NFATC1: variants seen among roughly 807,000 people sequenced by gnomAD.
The protein encoded by NFATC1 is nuclear factor of activated T cells 1, also known as nuclear factor of activated T-cells, cytoplasmic 1.
A neutral mutation model predicts 76.0 loss-of-function variants in NFATC1; 22 were observed. The ratio of observed to expected loss-of-function variants is 0.29; its 90% CI spans 0.21 to 0.41. The LOEUF (loss-of-function observed/expected upper bound fraction) is 0.41, where lower values mean the gene tolerates loss of function less well. NFATC1 is among the 10% of genes least tolerant of loss of function. The pLI, the probability that NFATC1 is intolerant of heterozygous loss-of-function variation, is 1.00. For synonymous variants in NFATC1, 704 were observed against 613.1 expected (o/e 1.15, Z -2.19); for missense variants, 1,357 against 1,337.7 (o/e 1.01, Z -0.23).
intron 8 of NFATC1, among the ~76,000 whole-genome samples, chr18:79,485,839 G>A (rs889520158): frequency 2.6e-5 from 4 of 152,256 alleles, no homozygotes; most frequent in South Asian, 2.1e-4. Context: ...CCTGAAAGCC[G>A]TCTTGTTCTG....
chr18:79,511,836 A>G (rs1357894382), intron 9 of NFATC1, among the ~76,000 whole-genome samples: 1 of 151,880 alleles, frequency 6.6e-6, no homozygotes, highest in African/African-American at 2.4e-5. Flanking sequence ...ATGTGGATGG[A>G]CTTGCTGCGG....
chr18:79,470,829 G>C (rs981571569), intron 8 of NFATC1: 1 of 152,268 alleles, frequency 6.6e-6, no homozygotes, highest in African/African-American at 2.4e-5. Context: ...AGTGCAGGGG[G>C]CCCCCGGGCT....
At position 79,396,134 on chromosome 18, in the gene NFATC1, T is replaced by G; in HGVS notation, c.-91T>G. The G allele has an allele frequency of 7.9e-7, 1 of 1,268,286 alleles. No homozygotes were observed. Among genetic ancestry groups the G allele is most frequent in the Non-Finnish European group, 1.0e-6 (1 of 993,612 alleles). 78.6% of individuals were successfully genotyped at this position (1,268,286 alleles called of 1,614,324 possible). On this transcript the variant is annotated 5_prime_UTR_variant, in exon 1 of 10. Coordinates refer to ENST00000427363, the MANE Select transcript of NFATC1 (RefSeq NM_001278669.2). ...GCGGCGCTGAGCCCGGGGCGAGGGCTGTCTTCCCGGAGACCCGACCCCGGC... is the reference window on the plus strand; with the variant it reads ...GCGGCGCTGAGCCCGGGGCGAGGGCGGTCTTCCCGGAGACCCGACCCCGGC...
chr18:79,437,544 C>A (rs984485139), intron 3 of NFATC1, among the ~76,000 whole-genome samples: 1 of 152,256 alleles, frequency 6.6e-6, no homozygotes, highest in African/African-American at 2.4e-5. Flanking sequence ...CGTCCGCCTG[C>A]TGTCTGCTTC....
chr18:79,483,631 C>G (rs2089394377), intron 8 of NFATC1, among the ~76,000 whole-genome samples: 1 of 146,636 alleles, frequency 6.8e-6, no homozygotes, highest in Non-Finnish European at 1.5e-5. Flanking sequence ...GGGCGTCACT[C>G]TGGCGTGACC....
intron 3 of NFATC1, among the ~76,000 whole-genome samples, chr18:79,438,510 C>T (rs754237716): frequency 1.3e-5 from 2 of 152,206 alleles, no homozygotes; most frequent in Non-Finnish European, 2.9e-5. Flanking sequence ...ATAACCTGCC[C>T]GATAGCATCT....
At chr18:79,464,361 C>G (rs1450525555) in intron 7 of NFATC1, among the ~76,000 whole-genome samples, 1 of 152,012 alleles carries the variant, frequency 6.6e-6, no homozygotes, top group Admixed American at 6.5e-5. Flanking sequence ...TCCCAAAGTG[C>G]TGGGATTACA....
At chr18:79,513,348 C>T (rs750363264) in intron 9 of NFATC1, among the ~76,000 whole-genome samples, 5 of 152,178 alleles carry the variant, frequency 3.3e-5, no homozygotes, top group East Asian at 3.9e-4. Context: ...GGTCAGCACA[C>T]GGCTTTCTCA....
At chr18:79,464,602 G>GACACACACACACAC (rs57175022) in intron 7 of NFATC1, among the ~76,000 whole-genome samples, 1 of 142,916 alleles carries the variant, frequency 7.0e-6, no homozygotes, top group African/African-American at 2.6e-5. Flanking sequence ...TGTTCACGCA[G>GACACACACACACAC]ACACACACAC....
At chr18:79,431,264 T>C (rs1052150131) in intron 2 of NFATC1, among the ~76,000 whole-genome samples, 4 of 152,160 alleles carry the variant, frequency 2.6e-5, no homozygotes, top group Non-Finnish European at 4.4e-5. Flanking sequence ...ACATTTTAGG[T>C]GTTTGTATTT....
chr18:79,443,512 G>C lies in NFATC1; in HGVS notation c.1387-5270G>C, dbSNP rs752014140. On this transcript the variant is annotated intron_variant, in intron 3 of 9. Coordinates refer to ENST00000427363, the MANE Select transcript of NFATC1 (RefSeq NM_001278669.2). Reference sequence around the variant, plus strand: ...GAAGGGGCCTGGAGCCGTCCCTCGGGGGGTGGGGAGGAGCTAGTTTCCCAG... The same window carrying C: ...GAAGGGGCCTGGAGCCGTCCCTCGGCGGGTGGGGAGGAGCTAGTTTCCCAG... Among the ~76,000 whole-genome samples, 16 of 152,310 alleles carry C rather than the reference G, an allele frequency of 1.1e-4. 1 individual carries two copies. Among genetic ancestry groups the C allele is most frequent in the African/African-American group, 3.4e-4 (14 of 41,572 alleles).
intron 2 of NFATC1, among the ~76,000 whole-genome samples, chr18:79,431,293 A>T (rs576600438): frequency 3.2e-4 from 49 of 152,354 alleles, no homozygotes; most frequent in Non-Finnish European, 6.0e-4. Flanking sequence ...TACGTAGTTG[A>T]TTCCATTCAA....
At chr18:79,470,075 C>T (rs1600838375) in intron 8 of NFATC1, 1 of 942,798 alleles carries the variant, frequency 1.1e-6, no homozygotes, top group Non-Finnish European at 1.3e-6. Flanking sequence ...GCAACCCCGG[C>T]TGGGTCTGAG....
intron 1 of NFATC1, among the ~76,000 whole-genome samples, chr18:79,402,650 G>A (rs986429624): frequency 7.9e-5 from 12 of 152,210 alleles, no homozygotes; most frequent in Non-Finnish European, 1.5e-4. Context: ...GAGCTGAGAA[G>A]AGCCCCTTCC....
chr18:79,452,122 G>T, intron 6 of NFATC1: 1 of 240,564 alleles, frequency 4.2e-6, no homozygotes, highest in Non-Finnish European at 8.0e-6. Flanking sequence ...AGGGCAAGAC[G>T]CATTTGCTGG....
At chr18:79,464,769 G>A (rs191223186) in intron 7 of NFATC1, among the ~76,000 whole-genome samples, 18 of 146,032 alleles carry the variant, frequency 1.2e-4, no homozygotes, top group Admixed American at 1.2e-3. Context: ...CCAGTGGCTT[G>A]ATCATGGCTC....
At position 79,522,508 on chromosome 18, in the gene NFATC1, T is replaced by TGG. The variant is rs573336727; in HGVS notation, c.2783-5013_2783-5012dup. Among the ~76,000 whole-genome samples the TGG allele has an allele frequency of 4.7e-3, 346 of 73,420 alleles. 1 individual carries two copies. The highest frequency in any genetic ancestry group is 6.7e-3 in the Non-Finnish European group (263 of 39,150). The allele number at this position is 73,420 out of a possible 152,430, so 48.2% of individuals were successfully genotyped here. On this transcript the variant is annotated intron_variant, in intron 9 of 9. Coordinates refer to ENST00000427363, the MANE Select transcript of NFATC1 (RefSeq NM_001278669.2). ...AGGGTATCTGCTGATGTGTTTTGTGTGGGGGGGGTGCGTCCACTGATGTGT... is the reference window on the plus strand; with the variant it reads ...AGGGTATCTGCTGATGTGTTTTGTGTGGGGGGGGGGTGCGTCCACTGATGTGT...
At chr18:79,503,563 GGT>G (rs1330823706) in intron 9 of NFATC1, among the ~76,000 whole-genome samples, 1 of 152,166 alleles carries the variant, frequency 6.6e-6, no homozygotes, top group Non-Finnish European at 1.5e-5. Flanking sequence ...TCGCTCCATG[GGT>G]GGCGCACAGG....
intron 9 of NFATC1, chr18:79,493,363 C>T (rs952701184): frequency 1.4e-4 from 21 of 152,368 alleles, no homozygotes; most frequent in East Asian, 5.8e-4. Flanking sequence ...GGGTCTGTGC[C>T]GCTGAAGTGG....
Sources: allele counts gnomAD v4.1 joint callset (sites outside exome capture counted in the v4.1 genomes callset), GRCh38; gene constraint gnomAD v4.1.1; transcripts MANE v1.5; gene names NCBI Gene and HGNC (gene_info 2026-07-23, HGNC 2026-07-21).